The following POU3F3 variants were observed in gnomAD, a reference collection of about 807,000 sequenced individuals.
POU3F3 encodes the protein POU domain, class 3, transcription factor 3.
A neutral mutation model predicts 8.6 loss-of-function variants in POU3F3; 1 was observed. That is an observed-to-expected ratio of 0.12 (90% CI 0.04 to 0.55). POU3F3 has a LOEUF of 0.55. Among genes scored for constraint, POU3F3 ranks in the 20% least tolerant of loss-of-function variants. POU3F3 has a pLI of 0.91. For missense variants in POU3F3, 577 were observed against 690.7 expected (o/e 0.84, Z 1.84); for synonymous variants, 418 against 327.4 (o/e 1.28, Z -2.99).
chr2:104,860,042 G>C (rs1676636435), downstream of POU3F3, among the ~76,000 whole-genome samples: 1 of 152,196 alleles, frequency 6.6e-6, no homozygotes, highest in Non-Finnish European at 1.5e-5. Context: ...GGGAATGGTG[G>C]TGGTTGATTA....
At chr2:104,894,338 T>C in the POU3F3 span, among the ~76,000 whole-genome samples, 1 of 152,226 alleles carries the variant, frequency 6.6e-6, no homozygotes, top group African/African-American at 2.4e-5. Context: ...TTCTACATCA[T>C]TATATGAAAG....
chr2:104,899,819 G>A, the POU3F3 span, among the ~76,000 whole-genome samples: 2 of 152,286 alleles, frequency 1.3e-5, no homozygotes, highest in Admixed American at 6.5e-5. Flanking sequence ...GGAGGGGACC[G>A]TGATGCCATG....
In POU3F3 at chr2:104,855,591, A is replaced by C; in HGVS notation, c.81A>C (p.Ala27=). 1 of 909,582 alleles carries C rather than the reference A, an allele frequency of 1.1e-6. No homozygotes were observed. Among genetic ancestry groups the C allele is most frequent in the Non-Finnish European group, 1.2e-6 (1 of 800,910 alleles). 56.3% of individuals were successfully genotyped at this position (909,582 alleles called of 1,614,324 possible). ...AAGSIVHSDA[A]GAGGGGGGGG... ...GCTCTATTGTGCACTCGGACGCGGC[A>C]GGGGCTGGCGGCGGCGGGGGTGGCG... Residue 27 remains alanine (A), a synonymous_variant, in exon 1 of 1, where the codon GCA becomes GCC. Coordinates refer to ENST00000361360, the MANE Select transcript of POU3F3 (RefSeq NM_006236.3).
At chr2:104,926,742 T>C in the POU3F3 span, among the ~76,000 whole-genome samples, 2 of 152,278 alleles carry the variant, frequency 1.3e-5, no homozygotes, top group East Asian at 1.9e-4. Context: ...GTGGCACATA[T>C]ATACCATCGA....
At chr2:104,915,814 G>C in the POU3F3 span, among the ~76,000 whole-genome samples, 1 of 152,012 alleles carries the variant, frequency 6.6e-6, no homozygotes, top group South Asian at 2.1e-4. Flanking sequence ...TTTGGAGTGT[G>C]GGTTCCTGGT....
chr2:104,877,466 G>T, the POU3F3 span, among the ~76,000 whole-genome samples: 1 of 151,914 alleles, frequency 6.6e-6, no homozygotes, highest in Non-Finnish European at 1.5e-5. Context: ...ATCAGTGGAG[G>T]ATCTCCACTG....
At chr2:104,872,968 T>A in the POU3F3 span, among the ~76,000 whole-genome samples, 1 of 152,166 alleles carries the variant, frequency 6.6e-6, no homozygotes, top group South Asian at 2.1e-4. This position sits in a 1 kb window ranked among gnomAD's most constrained non-coding sequence, Gnocchi z 4.6. Flanking sequence ...CTGTCGCATC[T>A]GACGCCCTAG....
chr2:104,865,383 A>T, the POU3F3 span: 1 of 152,238 alleles, frequency 6.6e-6, no homozygotes, highest in Admixed American at 6.5e-5. Context: ...ACTAGACATG[A>T]TTACATAGGA....
At chr2:104,919,305 C>T in the POU3F3 span, among the ~76,000 whole-genome samples, 16 of 152,334 alleles carry the variant, frequency 1.1e-4, no homozygotes, top group African/African-American at 3.8e-4. Context: ...TTCAGTGTTC[C>T]TGGACTTTGC....
chr2:104,879,774 A>T, the POU3F3 span, among the ~76,000 whole-genome samples: 1 of 152,140 alleles, frequency 6.6e-6, no homozygotes, highest in Non-Finnish European at 1.5e-5. Context: ...ATACCTACCA[A>T]GAGGTGCAGG....
chr2:104,901,439 C>T, the POU3F3 span, among the ~76,000 whole-genome samples: 3 of 152,298 alleles, frequency 2.0e-5, no homozygotes, highest in East Asian at 1.9e-4. Context: ...ACACGGCAGC[C>T]GGGTGAGTGC....
chr2:104,863,111 C>T (rs1306714993), downstream of POU3F3, among the ~76,000 whole-genome samples: 1 of 150,716 alleles, frequency 6.6e-6, no homozygotes, highest in African/African-American at 2.4e-5. Context: ...CTCTCTCCCT[C>T]AGTCCCTCCT....
chr2:104,898,930 T>A, the POU3F3 span, among the ~76,000 whole-genome samples: 1 of 152,218 alleles, frequency 6.6e-6, no homozygotes, highest in Non-Finnish European at 1.5e-5. Flanking sequence ...ATGACAGGTA[T>A]CTGACAGCAG....
the POU3F3 span, among the ~76,000 whole-genome samples, chr2:104,897,403 T>C: frequency 5.5e-4 from 84 of 152,282 alleles, no homozygotes; most frequent in African/African-American, 1.9e-3. Flanking sequence ...GAACCACACC[T>C]GGGAGAAAGG....
At chr2:104,914,954 T>A in the POU3F3 span, among the ~76,000 whole-genome samples, 1 of 152,106 alleles carries the variant, frequency 6.6e-6, no homozygotes, top group Non-Finnish European at 1.5e-5. Context: ...TCTGCTGACC[T>A]CTCTGTGGAG....
rs1174275505 is a variant in POU3F3 at position 104,856,699 on chromosome 2, A to G, written c.1189A>G (p.Ile397Val). 7 of 1,613,962 alleles carry G rather than the reference A, an allele frequency of 4.3e-6. No individual in the cohort carries two copies. The highest frequency in any genetic ancestry group is 5.9e-6 in the Non-Finnish European group (7 of 1,180,016). The change falls in exon 1 of 1, where the codon ATC becomes GTC. Residue 397 changes from isoleucine (I) to valine (V), a missense_variant. Transcript: ENST00000361360. ...CTCAAGCACCGGCAGCCCCACAAGC[A>G]TCGACAAGATCGCGGCGCAGGGCCG... ...ADSSTGSPTS[I>V]DKIAAQGRKR... is the part of the protein sequence containing the mutation.
chr2:104,908,007 T>C, the POU3F3 span, among the ~76,000 whole-genome samples: 1 of 152,156 alleles, frequency 6.6e-6, no homozygotes, highest in African/African-American at 2.4e-5. Flanking sequence ...TATAGAAAGG[T>C]TTCTAAAAGT....
chr2:104,885,043 T>C, the POU3F3 span, among the ~76,000 whole-genome samples: 1 of 152,050 alleles, frequency 6.6e-6, no homozygotes, highest in South Asian at 2.1e-4. Context: ...CAACCCAGTC[T>C]GTGACAAAAA....
At chr2:104,912,452 TG>T in the POU3F3 span, among the ~76,000 whole-genome samples, 6 of 151,796 alleles carry the variant, frequency 4.0e-5, no homozygotes, top group Admixed American at 1.3e-4. Flanking sequence ...CTATGTGGTG[TG>T]GGGGGCCCCC....
Sources: allele counts gnomAD v4.1 joint callset (sites outside exome capture counted in the v4.1 genomes callset), GRCh38; gene constraint gnomAD v4.1.1; non-coding constraint Gnocchi (gnomAD v3.1); transcripts MANE v1.5; gene names NCBI Gene and HGNC (gene_info 2026-07-23, HGNC 2026-07-21).